The following MACROD2 variants were observed in gnomAD, a reference collection of about 807,000 sequenced individuals.
The protein encoded by MACROD2 is mono-ADP ribosylhydrolase 2, also known as ADP-ribose glycohydrolase MACROD2.
In MACROD2, 36 loss-of-function variants were observed where a neutral mutation model predicts 70.4. That is an observed-to-expected ratio of 0.51 (90% CI 0.39 to 0.68). The LOEUF is 0.68. Among genes scored for constraint, MACROD2 ranks in the 30% least tolerant of loss-of-function variants. MACROD2 has a pLI of 0.00. For synonymous variants in MACROD2, 172 were observed against 178.8 expected, an observed-to-expected ratio of 0.96 and a Z score of 0.30; for missense variants, 496 against 538.4, an observed-to-expected ratio of 0.92 and a Z score of 0.78.
chr20:15,677,697 A>C (rs1288456526), intron 8 of MACROD2, among the ~76,000 whole-genome samples: 1 of 16,308 alleles, frequency 6.1e-5, no homozygotes, highest in Non-Finnish European at 1.4e-4. Flanking sequence ...CCAACCAACC[A>C]ACCAACCAAA....
intron 7 of MACROD2, among the ~76,000 whole-genome samples, chr20:15,493,530 G>A (rs1025341822): frequency 4.6e-5 from 7 of 152,158 alleles, no homozygotes; most frequent in African/African-American, 1.7e-4. Context: ...TACTGGCAGA[G>A]TAAGTCATGT....
intron 3 of MACROD2, among the ~76,000 whole-genome samples, chr20:14,457,890 A>G (rs1453986453): frequency 6.6e-6 from 1 of 152,218 alleles, no homozygotes; most frequent in Non-Finnish European, 1.5e-5. Context: ...ACTTGAGGTC[A>G]GGAGTTCAAG....
chr20:15,330,993 G>A (rs933722342), intron 6 of MACROD2, among the ~76,000 whole-genome samples: 7 of 151,590 alleles, frequency 4.6e-5, no homozygotes, highest in Admixed American at 3.3e-4. Flanking sequence ...TTTGAAAACG[G>A]AGGCAAAAAT....
intron 12 of MACROD2, among the ~76,000 whole-genome samples, chr20:15,947,933 A>G (rs558212521): frequency 6.6e-6 from 1 of 152,224 alleles, no homozygotes; most frequent in East Asian, 1.9e-4. Context: ...GGTGCATCCA[A>G]TGTTGATGAC....
At chr20:14,168,022 C>T (rs2081186726) in intron 3 of MACROD2, among the ~76,000 whole-genome samples, 1 of 152,070 alleles carries the variant, frequency 6.6e-6, no homozygotes, top group Non-Finnish European at 1.5e-5. Flanking sequence ...TGACTGTACT[C>T]ATAGTAATCT....
At chr20:14,337,567 C>G (rs1199791732) in intron 3 of MACROD2, 5 of 398,474 alleles carry the variant, frequency 1.3e-5, no homozygotes, top group Non-Finnish European at 2.2e-5. Flanking sequence ...TCAGATCACT[C>G]CTACACTGAG....
chr20:14,811,275 A>G (rs958861731), intron 5 of MACROD2, among the ~76,000 whole-genome samples: 4 of 152,076 alleles, frequency 2.6e-5, no homozygotes, highest in Non-Finnish European at 5.9e-5. Flanking sequence ...GGCCTCAGAA[A>G]TAACACCACA....
intron 5 of MACROD2, among the ~76,000 whole-genome samples, chr20:14,875,151 G>A (rs944092516): frequency 1.3e-5 from 2 of 152,026 alleles, no homozygotes; most frequent in Non-Finnish European, 2.9e-5. Context: ...GGGAGGCTGA[G>A]GTGGGCGGAT....
At chr20:15,249,860 A>G (rs561632816) in intron 6 of MACROD2, among the ~76,000 whole-genome samples, 1 of 152,372 alleles carries the variant, frequency 6.6e-6, no homozygotes, top group Non-Finnish European at 1.5e-5. Context: ...CAACAGGACC[A>G]CCATCCCATT....
intron 8 of MACROD2, among the ~76,000 whole-genome samples, chr20:15,816,583 G>A (rs181054068): frequency 4.3e-4 from 66 of 152,202 alleles, no homozygotes; most frequent in Non-Finnish European, 1.0e-4. Flanking sequence ...AGACCTTATA[G>A]CTTATCAAAA....
chr20:15,685,033 A>G, intron 8 of MACROD2, among the ~76,000 whole-genome samples: 1 of 152,328 alleles, frequency 6.6e-6, no homozygotes, highest in Middle Eastern at 3.4e-3. Context: ...TATTTTTAAA[A>G]TAAATCATAA....
chr20:14,745,337 A>G (rs556345144), intron 5 of MACROD2, among the ~76,000 whole-genome samples: 1 of 152,310 alleles, frequency 6.6e-6, no homozygotes, highest in Non-Finnish European at 1.5e-5. Flanking sequence ...ATATTTGTAT[A>G]GGCCTATATG....
chr20:14,199,369 G>T (rs781284042), intron 3 of MACROD2, among the ~76,000 whole-genome samples: 3 of 152,206 alleles, frequency 2.0e-5, no homozygotes, highest in Non-Finnish European at 4.4e-5. Context: ...TGTAAAAAAT[G>T]TTTCAGGAAG....
intron 5 of MACROD2, among the ~76,000 whole-genome samples, chr20:15,031,640 A>C (rs1445280876): frequency 6.6e-6 from 1 of 152,140 alleles, no homozygotes; most frequent in Admixed American, 6.5e-5. Flanking sequence ...TGAAATGGAT[A>C]GTTGATTCCC....
At chr20:15,084,068 T>TG (rs1555780867) in intron 5 of MACROD2, among the ~76,000 whole-genome samples, 86 of 57,800 alleles carry the variant, frequency 1.5e-3, no homozygotes, top group Middle Eastern at 8.5e-3. Context: ...GGTTTTTTTT[T>TG]TTTGTTTTTT....
intron 6 of MACROD2, among the ~76,000 whole-genome samples, chr20:15,324,121 A>T (rs1426307094): frequency 6.6e-6 from 1 of 152,082 alleles, no homozygotes; most frequent in African/African-American, 2.4e-5. Context: ...AATTCCTCTA[A>T]AGTAACATCA....
intron 5 of MACROD2, among the ~76,000 whole-genome samples, chr20:15,109,216 C>T (rs2075935615): frequency 6.6e-6 from 1 of 152,126 alleles, no homozygotes; most frequent in Admixed American, 6.6e-5. Context: ...ATAGAACATA[C>T]TTGGATTCAA....
At chr20:14,353,993 T>C (rs1331129517) in intron 3 of MACROD2, among the ~76,000 whole-genome samples, 1 of 152,152 alleles carries the variant, frequency 6.6e-6, no homozygotes, top group Admixed American at 6.5e-5. Context: ...ATCTGCAGTG[T>C]CTGCTCTGTC....
At chr20:14,691,925 T>C (rs1013114181) in intron 5 of MACROD2, among the ~76,000 whole-genome samples, 3 of 152,186 alleles carry the variant, frequency 2.0e-5, no homozygotes, top group African/African-American at 7.2e-5. Flanking sequence ...TCGGATTGGC[T>C]CATTTTCTTT....
Sources: allele counts gnomAD v4.1 joint callset (sites outside exome capture counted in the v4.1 genomes callset), GRCh38; gene constraint gnomAD v4.1.1; transcripts MANE v1.5; gene names NCBI Gene and HGNC (gene_info 2026-07-23, HGNC 2026-07-21).